DRC8: variants seen among roughly 807,000 people sequenced by gnomAD.
The protein encoded by DRC8 is dynein regulatory complex protein 8.
At chr1:245,095,636 C>T in the DRC8 span, among the ~76,000 whole-genome samples, 1 of 152,204 alleles carries the variant, frequency 6.6e-6, no homozygotes, top group African/African-American at 2.4e-5. Context: ...CTCAAGCAAT[C>T]CTCCCACCTT....
chr1:244,993,944 ATT>A, the DRC8 span, among the ~76,000 whole-genome samples: 4 of 150,166 alleles, frequency 2.7e-5, no homozygotes, highest in East Asian at 3.9e-4. Flanking sequence ...TTGGGGATAC[ATT>A]TTTTTTTTGG....
the DRC8 span, among the ~76,000 whole-genome samples, chr1:244,991,998 A>G: frequency 6.6e-6 from 1 of 152,210 alleles, no homozygotes; most frequent in African/African-American, 2.4e-5. Flanking sequence ...AAACCCATAG[A>G]TAGGAAGAGC....
chr1:244,983,552 C>G, the DRC8 span, among the ~76,000 whole-genome samples: 4 of 151,910 alleles, frequency 2.6e-5, no homozygotes, highest in Admixed American at 2.6e-4. Flanking sequence ...CCAGCCTGGC[C>G]ATCATGGTGA....
chr1:244,980,330 C>T, the DRC8 span, among the ~76,000 whole-genome samples: 1 of 151,358 alleles, frequency 6.6e-6, no homozygotes, highest in Non-Finnish European at 1.5e-5. Context: ...TGAACTCCAG[C>T]GTGGCTGACA....
At chr1:244,997,445 G>C in the DRC8 span, among the ~76,000 whole-genome samples, 2 of 150,886 alleles carry the variant, frequency 1.3e-5, no homozygotes, top group Admixed American at 6.6e-5. Context: ...CCAGTAAGCT[G>C]AATCAGTCTA....
chr1:245,043,437 G>GAA, the DRC8 span, among the ~76,000 whole-genome samples: 3 of 134,420 alleles, frequency 2.2e-5, no homozygotes, highest in African/African-American at 8.3e-5. Flanking sequence ...TGTCTCAAAG[G>GAA]AAAAAAAAAA....
the DRC8 span, chr1:244,970,569 C>CT: frequency 7.6e-7 from 1 of 1,307,612 alleles, no homozygotes; most frequent in African/African-American, 1.6e-5. Flanking sequence ...AAAGGGCGGC[C>CT]TGAGGAGGGG....
chr1:245,066,360 T>G, the DRC8 span, among the ~76,000 whole-genome samples: 1 of 152,314 alleles, frequency 6.6e-6, no homozygotes, highest in South Asian at 2.1e-4. Flanking sequence ...TGTAATAGTC[T>G]TTAGAAAGAG....
chr1:245,028,835 C>G, the DRC8 span, among the ~76,000 whole-genome samples: 1 of 152,208 alleles, frequency 6.6e-6, no homozygotes, highest in Non-Finnish European at 1.5e-5. Context: ...ATACTAGTTT[C>G]TAGGGATCAC....
chr1:244,990,265 A>G, the DRC8 span, among the ~76,000 whole-genome samples: 1 of 152,242 alleles, frequency 6.6e-6, no homozygotes, highest in Non-Finnish European at 1.5e-5. Context: ...GAGAGAGGCC[A>G]TTCATATAGC....
the DRC8 span, among the ~76,000 whole-genome samples, chr1:245,105,703 C>G: frequency 6.6e-6 from 1 of 151,236 alleles, no homozygotes; most frequent in Non-Finnish European, 1.5e-5. Context: ...CTTTGAAATA[C>G]TGTTTGTTCA....
chr1:245,042,204 G>A, the DRC8 span, among the ~76,000 whole-genome samples: 1 of 152,198 alleles, frequency 6.6e-6, no homozygotes, highest in African/African-American at 2.4e-5. Context: ...GTGACCGTGT[G>A]GTTAAATTGT....
chr1:245,010,205 A>G, the DRC8 span, among the ~76,000 whole-genome samples: 29 of 152,166 alleles, frequency 1.9e-4, no homozygotes, highest in South Asian at 4.1e-4. Flanking sequence ...CTTGGCTGCT[A>G]CTGAAAGGAC....
the DRC8 span, among the ~76,000 whole-genome samples, chr1:245,043,419 C>T: frequency 5.4e-5 from 8 of 149,420 alleles, no homozygotes; most frequent in African/African-American, 1.7e-4. Context: ...GGCGACAGAG[C>T]GAGACTCTGT....
At chr1:245,121,311 T>C in the DRC8 span, among the ~76,000 whole-genome samples, 1 of 152,226 alleles carries the variant, frequency 6.6e-6, no homozygotes, top group Non-Finnish European at 1.5e-5. Context: ...TAAAAGGAAT[T>C]AACTGGCTTA....
the DRC8 span, among the ~76,000 whole-genome samples, chr1:245,050,315 G>T: frequency 6.6e-6 from 1 of 151,928 alleles, no homozygotes; most frequent in African/African-American, 2.4e-5. Flanking sequence ...GGCCAGGCTG[G>T]TCTCGAACTC....
chr1:245,061,628 TTGA>T, the DRC8 span, among the ~76,000 whole-genome samples: 1 of 152,216 alleles, frequency 6.6e-6, no homozygotes, highest in South Asian at 2.1e-4. Flanking sequence ...CAAATTTGAA[TTGA>T]TAAATACAAG....
At chr1:244,997,788 G>T in the DRC8 span, among the ~76,000 whole-genome samples, 1 of 151,916 alleles carries the variant, frequency 6.6e-6, no homozygotes, top group Non-Finnish European at 1.5e-5. Flanking sequence ...CAGGTGATCC[G>T]CCCACCTCGG....
chr1:245,070,146 G>C, the DRC8 span, among the ~76,000 whole-genome samples: 1 of 152,118 alleles, frequency 6.6e-6, no homozygotes, highest in Non-Finnish European at 1.5e-5. Context: ...TGCAGATTTT[G>C]GTATCCATGA....
Sources: gnomAD v4.1 joint callset for allele counts (sites outside exome capture counted in the v4.1 genomes callset) on GRCh38, gnomAD v4.1.1 for gene constraint, MANE v1.5 for transcripts, NCBI Gene and HGNC (gene_info 2026-07-23, HGNC 2026-07-21) for gene names.